Variants in IL1RAPL1 observed in about 807,000 individuals in gnomAD.
IL1RAPL1 encodes interleukin 1 receptor accessory protein like 1.
In IL1RAPL1, 3 loss-of-function variants were observed where a neutral mutation model predicts 48.4. The observed-to-expected ratio is 0.06, with a 90% CI of 0.03 to 0.16. The LOEUF is 0.16. IL1RAPL1 is among the 10% of genes least tolerant of loss of function. The probability of loss-of-function intolerance (pLI) is 1.00; values close to 1 mark genes in which losing one functional copy is unlikely to be tolerated. For synonymous variants in IL1RAPL1, 185 were observed against 187.7 expected (o/e 0.99, Z 0.12); for missense variants, 349 against 530.6 (o/e 0.66, Z 3.36).
intron 2 of IL1RAPL1, among the ~76,000 whole-genome samples, chrX:28,887,056 A>G (rs1922649587): frequency 8.9e-6 from 1 of 111,976 alleles, no homozygotes; most frequent in African/African-American, 3.2e-5. Context: ...AGTGTCAGAA[A>G]TCCCATATAT....
chrX:29,885,041 CCCCCGTCTTAGCATGTCT>C (rs1932119782), intron 6 of IL1RAPL1, among the ~76,000 whole-genome samples: 1 of 95,756 alleles, frequency 1.0e-5, no homozygotes. Context: ...ATTCTTCATC[CCCCCGTCTTAGCATGTCT>C]CCTCCTCTCT....
chrX:29,411,223 AT>A (rs1934139231), intron 5 of IL1RAPL1, among the ~76,000 whole-genome samples: 1 of 112,084 alleles, frequency 8.9e-6, no homozygotes, highest in African/African-American at 3.2e-5. Context: ...ACCTATCTGT[AT>A]TATATCTCTA....
At chrX:29,637,474 T>C (rs891110386) in intron 5 of IL1RAPL1, among the ~76,000 whole-genome samples, 7 of 111,160 alleles carry the variant, frequency 6.3e-5, no homozygotes, top group African/African-American at 2.3e-4. Flanking sequence ...TTAAAAATAA[T>C]CTGAAGCAAA....
chrX:29,289,502 G>A (rs1284972056), intron 3 of IL1RAPL1, among the ~76,000 whole-genome samples: 1 of 112,058 alleles, frequency 8.9e-6, no homozygotes, highest in African/African-American at 3.2e-5. Flanking sequence ...ATCAACTAGA[G>A]TGATTCCTCC....
At chrX:29,328,713 G>A (rs970115216) in intron 3 of IL1RAPL1, among the ~76,000 whole-genome samples, 7 of 109,275 alleles carry the variant, frequency 6.4e-5, no homozygotes, top group African/African-American at 2.0e-4. Context: ...AATAATTGTA[G>A]AAAGTTGGTT....
intron 6 of IL1RAPL1, among the ~76,000 whole-genome samples, chrX:29,807,985 A>G (rs779040389): frequency 8.9e-6 from 1 of 112,134 alleles, no homozygotes; most frequent in South Asian, 3.7e-4. Context: ...TTTGTCAAAA[A>G]TATTAGGTAA....
At chrX:29,663,971 A>G (rs141580107) in intron 5 of IL1RAPL1, among the ~76,000 whole-genome samples, 3,190 of 112,267 alleles carry the variant, frequency 0.028, 111 homozygotes, top group African/African-American at 0.099. Context: ...CACATTCTCC[A>G]TATAAAAAGA....
intron 3 of IL1RAPL1, among the ~76,000 whole-genome samples, chrX:29,290,108 A>C (rs926661217): frequency 8.9e-6 from 1 of 111,928 alleles, no homozygotes; most frequent in African/African-American, 3.2e-5. Flanking sequence ...GTAGGATTTA[A>C]AAGATTTAAA....
intron 2 of IL1RAPL1, among the ~76,000 whole-genome samples, chrX:29,061,689 C>T (rs1370161748): frequency 8.9e-6 from 1 of 112,249 alleles, no homozygotes; most frequent in East Asian, 2.8e-4. Flanking sequence ...AAACTCCTGA[C>T]CTCAGGTCAT....
At chrX:29,584,663 C>T (rs779805246) in intron 5 of IL1RAPL1, among the ~76,000 whole-genome samples, 34 of 111,690 alleles carry the variant, frequency 3.0e-4, no homozygotes, top group African/African-American at 1.1e-3. Context: ...AAGTGATCCT[C>T]CCACCTCAGC....
chrX:29,785,720 C>T (rs1232767573), intron 6 of IL1RAPL1, among the ~76,000 whole-genome samples: 7 of 111,576 alleles, frequency 6.3e-5, no homozygotes, highest in African/African-American at 2.0e-4. Flanking sequence ...CACAATTTAG[C>T]AATAAAAAGC....
At chrX:29,368,481 A>G (rs1021222192) in intron 3 of IL1RAPL1, among the ~76,000 whole-genome samples, 3 of 111,994 alleles carry the variant, frequency 2.7e-5, no homozygotes, top group African/African-American at 9.7e-5. Context: ...TCGCGGGCTC[A>G]AGCAATCCTC....
At chrX:29,706,322 T>A (rs1927193447) in intron 6 of IL1RAPL1, among the ~76,000 whole-genome samples, 1 of 111,708 alleles carries the variant, frequency 9.0e-6, no homozygotes, top group South Asian at 3.7e-4. Context: ...CATGCCTTCC[T>A]AACAGTCCCC....
chrX:29,408,158 G>C (rs1245744147), intron 5 of IL1RAPL1, among the ~76,000 whole-genome samples: 1 of 110,589 alleles, frequency 9.0e-6, no homozygotes, highest in Middle Eastern at 4.2e-3. Context: ...AAATCACCTT[G>C]GCTCATCATA....
intron 2 of IL1RAPL1, among the ~76,000 whole-genome samples, chrX:29,251,549 GTTATA>G (rs770845033): frequency 1.4e-3 from 153 of 111,448 alleles, no homozygotes; most frequent in African/African-American, 3.9e-3. Flanking sequence ...AGATTATAAT[GTTATA>G]TTATAGGATG....
intron 2 of IL1RAPL1, among the ~76,000 whole-genome samples, chrX:29,221,430 A>G (rs113617316): frequency 4.6e-4 from 51 of 111,158 alleles, no homozygotes; most frequent in African/African-American, 1.5e-3. Context: ...GACTAAAACT[A>G]CTAATGCTCA....
intron 1 of IL1RAPL1, among the ~76,000 whole-genome samples, chrX:28,686,089 C>T (rs1935106725): frequency 9.0e-6 from 1 of 111,551 alleles, no homozygotes; most frequent in Non-Finnish European, 1.9e-5. Context: ...TTCTACGTGG[C>T]CTAAATTTTC....
At chrX:29,422,880 C>T (rs1300511990) in intron 5 of IL1RAPL1, among the ~76,000 whole-genome samples, 5 of 111,515 alleles carry the variant, frequency 4.5e-5, no homozygotes, top group African/African-American at 9.8e-5. Context: ...CGGCCAAGAG[C>T]ATTATAAAGG....
chrX:29,201,672 A>G (rs5985976), intron 2 of IL1RAPL1, among the ~76,000 whole-genome samples: 11,393 of 109,677 alleles, frequency 0.1, 1,455 homozygotes, highest in African/African-American at 0.36. Flanking sequence ...AACTATTTTG[A>G]CTTTAGTATA....
Sources: gnomAD v4.1 joint callset for allele counts (sites outside exome capture counted in the v4.1 genomes callset) on GRCh38, gnomAD v4.1.1 for gene constraint, MANE v1.5 for transcripts, NCBI Gene and HGNC (gene_info 2026-07-23, HGNC 2026-07-21) for gene names.